NCKAP5: variants seen among roughly 807,000 people sequenced by gnomAD.
NCKAP5 encodes NCK associated protein 5.
In NCKAP5, 92 loss-of-function variants were observed where a neutral mutation model predicts 167.0. The ratio of observed to expected loss-of-function variants is 0.55; its 90% CI spans 0.47 to 0.66. The LOEUF is 0.66. NCKAP5 is among the 30% of genes least tolerant of loss of function. The probability of loss-of-function intolerance (pLI) is 0.00; values close to 1 mark genes in which losing one functional copy is unlikely to be tolerated. For synonymous variants in NCKAP5, 891 were observed against 877.4 expected, an observed-to-expected ratio of 1.02 and a Z score of -0.27; for missense variants, 2,378 against 2,315.0, an observed-to-expected ratio of 1.03 and a Z score of -0.56.
intron 6 of NCKAP5, among the ~76,000 whole-genome samples, chr2:133,094,645 A>G (rs1258769944): frequency 6.6e-6 from 1 of 152,212 alleles, no homozygotes; most frequent in East Asian, 1.9e-4. Context: ...ATGATGAGAT[A>G]TCACACCCTG....
intron 3 of NCKAP5, among the ~76,000 whole-genome samples, chr2:133,493,096 C>T (rs1198735919): frequency 6.6e-6 from 1 of 152,232 alleles, no homozygotes; most frequent in Non-Finnish European, 1.5e-5. Flanking sequence ...TTAAAAATAT[C>T]TCACTAAGTG....
At chr2:133,485,290 C>T (rs1012773343) in intron 3 of NCKAP5, among the ~76,000 whole-genome samples, 1 of 152,170 alleles carries the variant, frequency 6.6e-6, no homozygotes, top group Non-Finnish European at 1.5e-5. Flanking sequence ...TTTCCTCCCC[C>T]CGACAGCACG....
the NCKAP5 span, among the ~76,000 whole-genome samples, chr2:133,658,951 T>C: frequency 6.6e-6 from 1 of 152,030 alleles, no homozygotes; most frequent in Non-Finnish European, 1.5e-5. Context: ...AGAACTATGC[T>C]TACTATTTGC....
At chr2:132,993,487 G>A (rs1190466858) in intron 7 of NCKAP5, among the ~76,000 whole-genome samples, 2 of 152,140 alleles carry the variant, frequency 1.3e-5, no homozygotes, top group East Asian at 3.9e-4. Context: ...TTCACTGACT[G>A]CTTACTCTCT....
rs573263262 is a variant in NCKAP5, at chr2:133,069,870, A to T, written c.341+60108T>A. ...TTATAAATTTCATTGATTTATTAAA[A>T]ATATATATATATACACACACACAAA... On this transcript the variant is annotated intron_variant, in intron 6 of 19. Coordinates refer to ENST00000409261, the MANE Select transcript of NCKAP5 (RefSeq NM_207363.3). 4.8e-3 allele frequency among the ~76,000 whole-genome samples: 733 copies of T among 151,344 alleles called. 5 individuals are homozygous for T. The highest frequency in any genetic ancestry group is 0.017 in the African/African-American group (693 of 41,296).
intron 3 of NCKAP5, among the ~76,000 whole-genome samples, chr2:133,343,262 T>C (rs1427577206): frequency 1.3e-5 from 2 of 152,202 alleles, no homozygotes; most frequent in Non-Finnish European, 2.9e-5. Context: ...ATTCATTGCA[T>C]ATGTTTCCCA....
intron 3 of NCKAP5, among the ~76,000 whole-genome samples, chr2:133,307,886 G>A (rs1434662758): frequency 1.3e-5 from 2 of 151,854 alleles, no homozygotes; most frequent in East Asian, 1.9e-4. Context: ...GGCTTCAAAG[G>A]AGGTTCATCC....
intron 6 of NCKAP5, among the ~76,000 whole-genome samples, chr2:133,065,376 A>G (rs975607872): frequency 1.3e-5 from 2 of 152,116 alleles, no homozygotes; most frequent in Admixed American, 1.3e-4. Flanking sequence ...CCTATAATCA[A>G]AACACTTTGG....
At chr2:132,931,326 C>G (rs796237555) in intron 8 of NCKAP5, 10 of 152,356 alleles carry the variant, frequency 6.6e-5, no homozygotes, top group African/African-American at 2.4e-4. Context: ...AGGCCAAGCT[C>G]TAACCAATCC....
At chr2:132,952,296 G>C (rs981795147) in intron 8 of NCKAP5, among the ~76,000 whole-genome samples, 6 of 152,100 alleles carry the variant, frequency 3.9e-5, no homozygotes, top group Admixed American at 1.3e-4. Context: ...TCTGAGATCT[G>C]GGGTTTTCTT....
intron 3 of NCKAP5, among the ~76,000 whole-genome samples, chr2:133,425,836 A>G (rs376166653): frequency 5.9e-5 from 9 of 152,336 alleles, no homozygotes; most frequent in East Asian, 3.9e-4. Flanking sequence ...TGCTTATGGG[A>G]TAAAAATTCA....
intron 5 of NCKAP5, among the ~76,000 whole-genome samples, chr2:133,196,909 A>G (rs1268486274): frequency 1.3e-5 from 2 of 152,188 alleles, no homozygotes; most frequent in Non-Finnish European, 2.9e-5. Context: ...TCAGATGGCA[A>G]GGTCATCACC....
chr2:132,673,101 C>A lies in NCKAP5; in HGVS notation c.*188G>T. ...GAATCACTCAAAGATTCCAAGTTGT[C>A]TACCCCAGGCCTATCTGAACTACTC... On this transcript the variant is annotated 3_prime_UTR_variant, in exon 20 of 20. Coordinates refer to ENST00000409261, the MANE Select transcript of NCKAP5 (RefSeq NM_207363.3). 1 of 1,246,862 alleles carries A rather than the reference C, an allele frequency of 8.0e-7. No individual in the cohort carries two copies. Among genetic ancestry groups the A allele is most frequent in the Non-Finnish European group, 1.0e-6 (1 of 995,700 alleles). The allele number at this position is 1,246,862 out of a possible 1,614,324, so 77.2% of individuals were successfully genotyped here. A position where few individuals can be genotyped will look rare whatever the true frequency, so the allele number is the denominator to read the frequency against.
chr2:132,782,064 G>C lies in NCKAP5; in HGVS notation c.4747C>G (p.Gln1583Glu), dbSNP rs78477360. 96 of 1,613,998 alleles carry C rather than the reference G, an allele frequency of 5.9e-5. No individual in the cohort carries two copies. In the African/African-American group the frequency reaches 1.2e-3, roughly 21 times the overall value. Residue 1583 changes from glutamine to glutamate, a missense_variant, in exon 14 of 20, where the codon CAA (glutamine) becomes GAA (glutamate). Physicochemically the swap from Gln to Glu is conservative, Grantham distance 29. Coordinates refer to ENST00000409261, the MANE Select transcript of NCKAP5 (RefSeq NM_207363.3). ...GGTGTTCTCCGATTATTTTTGCTTT[G>C]TAAACCGCCATCTGGATTATCTGCT... ...KSADNPDGGL[Q>E]SKNNRRTPQD...
At chr2:132,750,638 T>C (rs919217688) in intron 16 of NCKAP5, among the ~76,000 whole-genome samples, 1 of 152,176 alleles carries the variant, frequency 6.6e-6, no homozygotes, top group Non-Finnish European at 1.5e-5. Context: ...AGAATAGTGA[T>C]GCTGGAGGCC....
intron 6 of NCKAP5, among the ~76,000 whole-genome samples, chr2:133,008,263 A>C (rs967402897): frequency 6.6e-6 from 1 of 151,516 alleles, no homozygotes; most frequent in South Asian, 2.1e-4. Context: ...ATTGATTGTC[A>C]CTCTCCTTTC....
intron 3 of NCKAP5, among the ~76,000 whole-genome samples, chr2:133,403,687 C>T (rs551052102): frequency 1.3e-5 from 2 of 152,322 alleles, no homozygotes; most frequent in East Asian, 1.9e-4. Flanking sequence ...CAAAGTGCTG[C>T]CATGGAGAAT....
At chr2:133,496,259 G>A (rs1396311669) in intron 3 of NCKAP5, among the ~76,000 whole-genome samples, 1 of 152,160 alleles carries the variant, frequency 6.6e-6, no homozygotes, top group African/African-American at 2.4e-5. Context: ...GCACCTCTGG[G>A]ACAAAATCCT....
At position 132,779,800 on chromosome 2, in the gene NCKAP5, T is replaced by G. The variant is rs540528964; in HGVS notation, c.5049+1252A>C. 3.9e-3 allele frequency among the ~76,000 whole-genome samples: 593 copies of G among 152,312 alleles called. 4 individuals carry two copies. Among genetic ancestry groups the G allele is most frequent in the Non-Finnish European group, 6.6e-3 (450 of 68,032 alleles). On this transcript the variant is annotated intron_variant, in intron 15 of 19. Transcript: ENST00000409261. ...GTATTTATAGCTAATAATTAATAAC[T>G]AATAATGTCAACCATGGTCACTTTA... is the stretch of plus-strand genomic sequence containing the variant.
Sources: gnomAD v4.1 joint callset for allele counts (sites outside exome capture counted in the v4.1 genomes callset) on GRCh38, gnomAD v4.1.1 for gene constraint, MANE v1.5 for transcripts, NCBI Gene and HGNC (gene_info 2026-07-23, HGNC 2026-07-21) for gene names.